Variants in SNAPC3 observed in about 807,000 individuals in gnomAD.
SNAPC3 encodes the protein snRNA-activating protein complex subunit 3.
SNAPC3 carries 56 observed loss-of-function variants against 47.7 expected under a neutral mutation model. The ratio of observed to expected loss-of-function variants is 1.18; its 90% CI spans 0.95 to 1.47. SNAPC3 has a LOEUF of 1.47. Among genes scored for constraint, SNAPC3 ranks in the 40% most tolerant of loss-of-function variants. The pLI is 0.00. For synonymous variants in SNAPC3, 235 were observed against 189.9 expected (o/e 1.24, Z -1.95); for missense variants, 665 against 511.3 (o/e 1.30, Z -2.90).
chr9:15,462,068 G>A (rs557069947), downstream of SNAPC3: 3 of 152,158 alleles, frequency 2.0e-5, no homozygotes, highest in South Asian at 2.1e-4. Context: ...GCATATGCAA[G>A]GATATTTTAT....
At chr9:15,455,197 A>C (rs986598809) in intron 7 of SNAPC3, among the ~76,000 whole-genome samples, 8 of 152,234 alleles carry the variant, frequency 5.3e-5, no homozygotes, top group African/African-American at 1.9e-4. Context: ...CAAGAGCCAG[A>C]AGAATACATA....
rs1230646033 is a variant in SNAPC3, at chr9:15,447,262, C to T, written c.732+18C>T. 1 of 1,611,402 alleles carries T rather than the reference C, an allele frequency of 6.2e-7. No homozygotes were observed. The highest frequency in any genetic ancestry group is 1.1e-5 in the South Asian group (1 of 90,916). On this transcript the variant is annotated intron_variant, in intron 5 of 8. Coordinates refer to ENST00000380821, the MANE Select transcript of SNAPC3 (RefSeq NM_001039697.2). ...TCAGCAAAGTAAGGTGATTTCCTCC[C>T]ATAAAACAAAAGGAAATAACAAGCT...
intron 6 of SNAPC3, 83 bp downstream of exon 6, chr9:15,451,485 C>T (rs1051855765): frequency 2.1e-5 from 12 of 570,374 alleles, no homozygotes; most frequent in Admixed American, 3.2e-5. Context: ...CTATTATTGG[C>T]CTATTAAGGA....
chr9:15,424,063 A>G (rs372357451), intron 2 of SNAPC3, 77 bp downstream of exon 2: 2 of 803,470 alleles, frequency 2.5e-6, no homozygotes, highest in South Asian at 1.9e-5. Context: ...TTGAAAGTGC[A>G]GTATTGATTG....
chr9:15,432,786 G>A (rs1246377143), intron 2 of SNAPC3, among the ~76,000 whole-genome samples: 1 of 152,134 alleles, frequency 6.6e-6, no homozygotes, highest in Admixed American at 6.5e-5. Context: ...AGAAAGTAAA[G>A]ACAGAATTGC....
intron 3 of SNAPC3, among the ~76,000 whole-genome samples, chr9:15,440,490 C>G (rs1277215587): frequency 6.6e-6 from 1 of 151,772 alleles, no homozygotes; most frequent in Non-Finnish European, 1.5e-5. Context: ...TTTTTTCTTT[C>G]ATGGGTTTAA....
At chr9:15,428,940 A>C (rs1322194630) in intron 2 of SNAPC3, among the ~76,000 whole-genome samples, 2 of 152,204 alleles carry the variant, frequency 1.3e-5, no homozygotes, top group Admixed American at 6.5e-5. Flanking sequence ...CATGTTTAAA[A>C]ACATAATCCA....
chr9:15,429,482 A>C (rs1170246975), intron 2 of SNAPC3, among the ~76,000 whole-genome samples: 2 of 152,190 alleles, frequency 1.3e-5, no homozygotes, highest in Admixed American at 1.3e-4. Flanking sequence ...AAAATGATGG[A>C]AGGAGAAAAA....
chr9:15,434,818 G>A (rs751640301), intron 3 of SNAPC3, among the ~76,000 whole-genome samples: 4 of 152,074 alleles, frequency 2.6e-5, no homozygotes, highest in East Asian at 1.9e-4. Flanking sequence ...TATACACCAC[G>A]TTTTGTTCTA....
In SNAPC3 at chr9:15,458,056, G is replaced by A; in HGVS notation, c.1077G>A (p.Met359Ile). ...LWTRKCFVCK[M>I]YTARWVTNND... ...CCAGAAAATGTTTTGTTTGTAAAAT[G>A]TATACAGCCAGGTGAGTGATAATGT... Residue 359 changes from methionine to isoleucine, a missense_variant, in exon 8 of 9, where the codon ATG becomes ATA. By Grantham distance (10) the Met-to-Ile change is conservative (BLOSUM62 1). Coordinates refer to ENST00000380821, the MANE Select transcript of SNAPC3 (RefSeq NM_001039697.2). The A allele has an allele frequency of 4.5e-6, 7 of 1,548,484 alleles. No homozygotes were observed. Among genetic ancestry groups the A allele is most frequent in the Non-Finnish European group, 6.1e-6 (7 of 1,144,722 alleles).
At chr9:15,464,556 AAAC>A (rs2035481259), downstream of SNAPC3, 2 of 200,076 alleles carry the variant, frequency 1.0e-5, no homozygotes, top group Non-Finnish European at 2.1e-5. Flanking sequence ...TAGAAAATAA[AAAC>A]AATATAGCCA....
At chr9:15,449,551 ATATATATATATATTTTTTT>A (rs1232976096) in intron 5 of SNAPC3, among the ~76,000 whole-genome samples, 22 of 38,992 alleles carry the variant, frequency 5.6e-4, no homozygotes, top group African/African-American at 1.9e-3. Context: ...ATATATATAT[ATATATATATATATTTTTTT>A]TTTTTTTTTT....
intron 2 of SNAPC3, among the ~76,000 whole-genome samples, chr9:15,425,311 G>A (rs546708662): frequency 6.6e-6 from 1 of 152,124 alleles, no homozygotes; most frequent in South Asian, 2.1e-4. Context: ...TTCTGCCTCC[G>A]GGTTCAAGCG....
At chr9:15,433,717 T>TAAA in intron 3 of SNAPC3, 81 bp downstream of exon 3, 1 of 873,414 alleles carries the variant, frequency 1.1e-6, no homozygotes, top group Non-Finnish European at 1.9e-6. Flanking sequence ...AATGACAGTA[T>TAAA]GGTAGCTTTA....
Position 15,461,114 on chromosome 9 carries a change from C to T in SNAPC3, c.*1248C>T, listed in dbSNP as rs1371812553. 7 of 150,346 alleles carry T rather than the reference C, an allele frequency of 4.7e-5. No homozygotes were observed. The highest frequency in any genetic ancestry group is 6.6e-5 in the Admixed American group (1 of 15,054). 9.3% of individuals were successfully genotyped at this position (150,346 alleles called of 1,614,324 possible). A position where few individuals can be genotyped will look rare whatever the true frequency, so the allele number is the denominator to read the frequency against. ...TTCTGGTCCCCTTACTATAGTAATT[C>T]TAGTTACTCTCATCTTATTCTGAGG... is the stretch of plus-strand genomic sequence containing the variant. On this transcript the variant is annotated 3_prime_UTR_variant, in exon 9 of 9. Coordinates refer to ENST00000380821, the MANE Select transcript of SNAPC3 (RefSeq NM_001039697.2).
chr9:15,436,613 T>C (rs1216657360), intron 3 of SNAPC3, among the ~76,000 whole-genome samples: 1 of 152,188 alleles, frequency 6.6e-6, no homozygotes, highest in African/African-American at 2.4e-5. Flanking sequence ...CAAGATTGTT[T>C]TGACTATTCA....
chr9:15,433,684 A>G, intron 3 of SNAPC3, 48 bp downstream of exon 3: 2 of 1,187,558 alleles, frequency 1.7e-6, no homozygotes, highest in Non-Finnish European at 2.5e-6. Flanking sequence ...AAAACAGTAA[A>G]CCGACATTGG....
downstream of SNAPC3, chr9:15,463,269 G>C (rs1328492971): frequency 7.6e-6 from 1 of 132,286 alleles, no homozygotes; most frequent in South Asian, 2.5e-4. Flanking sequence ...CTGTCTCCCA[G>C]GCTGGAGTGC....
intron 2 of SNAPC3, among the ~76,000 whole-genome samples, chr9:15,425,677 A>C (rs993139081): frequency 6.6e-6 from 1 of 152,194 alleles, no homozygotes; most frequent in African/African-American, 2.4e-5. Flanking sequence ...TATTGTTCTC[A>C]AGCCTACTAT....
Sources: allele counts gnomAD v4.1 joint callset (sites outside exome capture counted in the v4.1 genomes callset), GRCh38; gene constraint gnomAD v4.1.1; transcripts MANE v1.5; gene names NCBI Gene and HGNC (gene_info 2026-07-23, HGNC 2026-07-21).